The following PM20D2 variants were observed in gnomAD, a reference collection of about 807,000 sequenced individuals.
PM20D2 encodes peptidase M20 domain containing 2.
PM20D2 carries 33 observed loss-of-function variants against 42.9 expected under a neutral mutation model. The observed-to-expected ratio is 0.77, with a 90% CI of 0.58 to 1.03. The LOEUF is 1.03. PM20D2 is among the 50% of genes least tolerant of loss of function. The probability of loss-of-function intolerance (pLI) is 0.00; values close to 1 mark genes in which losing one functional copy is unlikely to be tolerated. For missense variants in PM20D2, 548 were observed against 557.0 expected, an observed-to-expected ratio of 0.98 and a Z score of 0.16; for synonymous variants, 250 against 228.2, an observed-to-expected ratio of 1.10 and a Z score of -0.86.
chr6:89,132,817 G>A, the PM20D2 span, among the ~76,000 whole-genome samples: 8 of 149,812 alleles, frequency 5.3e-5, no homozygotes, highest in Non-Finnish European at 8.9e-5. Context: ...CAGCCTGGGC[G>A]ACATGGTGAG....
chr6:89,144,748 G>T (rs916566664), upstream of PM20D2, among the ~76,000 whole-genome samples: 2 of 152,130 alleles, frequency 1.3e-5, no homozygotes, highest in African/African-American at 4.8e-5. Flanking sequence ...CCAACTAACT[G>T]AGCAGGATAA....
At chr6:89,154,997 G>T (rs1457731736) in intron 4 of PM20D2, 95 bp downstream of exon 4, 13 of 1,135,694 alleles carry the variant, frequency 1.1e-5, no homozygotes, top group Admixed American at 3.2e-5. Flanking sequence ...CTCTTATTTG[G>T]TGACATGTTG....
chr6:89,125,462 A>G, the PM20D2 span, among the ~76,000 whole-genome samples: 1 of 144,356 alleles, frequency 6.9e-6, no homozygotes, highest in African/African-American at 2.6e-5. Flanking sequence ...CCTGGGTGAC[A>G]GAGCGAGACT....
chr6:89,147,893 A>G (rs1770654444), intron 1 of PM20D2, among the ~76,000 whole-genome samples: 2 of 140,556 alleles, frequency 1.4e-5, no homozygotes, highest in African/African-American at 5.1e-5. Context: ...GCCTCCTCTT[A>G]AAAAAAAAAA....
At chr6:89,128,631 C>T in the PM20D2 span, among the ~76,000 whole-genome samples, 1 of 152,164 alleles carries the variant, frequency 6.6e-6, no homozygotes, top group Non-Finnish European at 1.5e-5. Context: ...TGTCCCTACT[C>T]TCTGTTCTTA....
At chr6:89,150,105 T>C (rs1770776979) in intron 2 of PM20D2, among the ~76,000 whole-genome samples, 1 of 152,198 alleles carries the variant, frequency 6.6e-6, no homozygotes, top group Non-Finnish European at 1.5e-5. Context: ...AACCATGTGT[T>C]TTCCTCAGAA....
chr6:89,146,152 C>T lies in PM20D2; in HGVS notation c.8C>T (p.Pro3Leu), dbSNP rs1478188493. 2 of 1,501,574 alleles carry T rather than the reference C, an allele frequency of 1.3e-6. No individual in the cohort carries two copies. The highest frequency in any genetic ancestry group is 2.9e-5 in the African/African-American group (2 of 69,430). The allele number at this position is 1,501,574 out of a possible 1,614,324, so 93.0% of individuals were successfully genotyped here. The change falls in exon 1 of 7, where the codon CCC becomes CTC. Residue 3 changes from proline to leucine, a missense_variant. Physicochemically the swap from Pro to Leu is moderately conservative, Grantham distance 98 (BLOSUM62 -3). This residue lies in a region of PM20D2 where 470 missense variants were observed against 464.4 expected (regional missense o/e 1.01). Coordinates refer to ENST00000275072, the MANE Select transcript of PM20D2 (RefSeq NM_001010853.3). ...GCAGCGGGCTTGGGCAGCATGAGGC[C>T]CGGAGGGGAGCGGCCCGTGGAAGGG... is the stretch of plus-strand genomic sequence containing the variant. MR[P>L]GGERPVEGGA...
At chr6:89,113,751 C>T in the PM20D2 span, among the ~76,000 whole-genome samples, 2 of 152,158 alleles carry the variant, frequency 1.3e-5, no homozygotes, top group African/African-American at 4.8e-5. Flanking sequence ...TCAGGCGATC[C>T]TCCCACGTCA....
At chr6:89,131,785 C>T in the PM20D2 span, among the ~76,000 whole-genome samples, 14 of 152,238 alleles carry the variant, frequency 9.2e-5, no homozygotes, top group South Asian at 2.1e-4. Context: ...GTGGAACTGT[C>T]GCTGGATGAC....
chr6:89,149,472 A>T (rs1435458389), intron 2 of PM20D2, 59 bp downstream of exon 2: 1 of 1,563,340 alleles, frequency 6.4e-7, no homozygotes, highest in Non-Finnish European at 8.7e-7. Context: ...GAATACTTTT[A>T]TGTCTAAACC....
the PM20D2 span, among the ~76,000 whole-genome samples, chr6:89,103,938 T>C: frequency 6.6e-5 from 10 of 152,014 alleles, no homozygotes; most frequent in Admixed American, 2.0e-4. Flanking sequence ...ATAAGTAAAT[T>C]GATTTACATT....
chr6:89,128,559 C>T, the PM20D2 span, among the ~76,000 whole-genome samples: 1 of 152,228 alleles, frequency 6.6e-6, no homozygotes, highest in African/African-American at 2.4e-5. Flanking sequence ...TGCCCTTTGT[C>T]CTGTTCCCTC....
At chr6:89,135,391 A>G in the PM20D2 span, among the ~76,000 whole-genome samples, 1 of 151,170 alleles carries the variant, frequency 6.6e-6, no homozygotes, top group Non-Finnish European at 1.5e-5. Flanking sequence ...TTTTAGGATT[A>G]TCGTCAAATT....
At chr6:89,113,470 C>A in the PM20D2 span, among the ~76,000 whole-genome samples, 1 of 152,084 alleles carries the variant, frequency 6.6e-6, no homozygotes, top group Admixed American at 6.6e-5. Context: ...CCGCACCCAG[C>A]CCAATTTTTT....
At chr6:89,108,613 C>G in the PM20D2 span, among the ~76,000 whole-genome samples, 1 of 152,094 alleles carries the variant, frequency 6.6e-6, no homozygotes, top group Non-Finnish European at 1.5e-5. Flanking sequence ...TAAGAAGCTT[C>G]TAGCTTGGAC....
chr6:89,103,646 G>A, the PM20D2 span, among the ~76,000 whole-genome samples: 1 of 150,146 alleles, frequency 6.7e-6, no homozygotes, highest in East Asian at 2.0e-4. Flanking sequence ...TTTTAGTAGA[G>A]ACAGGATTTC....
the PM20D2 span, among the ~76,000 whole-genome samples, chr6:89,133,274 G>T: frequency 6.6e-6 from 1 of 150,834 alleles, no homozygotes; most frequent in Non-Finnish European, 1.5e-5. Flanking sequence ...TTTAATAAAA[G>T]AACATACTTG....
At chr6:89,132,588 G>A in the PM20D2 span, among the ~76,000 whole-genome samples, 2 of 151,424 alleles carry the variant, frequency 1.3e-5, no homozygotes, top group East Asian at 3.9e-4. Flanking sequence ...GCTCACACTT[G>A]TAATCCCAAC....
chr6:89,154,620 A>G, intron 3 of PM20D2, 128 bp from the exon 4 acceptor site: 1 of 602,726 alleles, frequency 1.7e-6, no homozygotes, highest in East Asian at 3.0e-5. Context: ...TGATTGGTGT[A>G]TTGGTGGAGC....
Sources: gnomAD v4.1 joint callset for allele counts (sites outside exome capture counted in the v4.1 genomes callset) on GRCh38, gnomAD v4.1.1 for gene constraint, gnomAD v4.1.1 regional missense constraint, MANE v1.5 for transcripts, NCBI Gene and HGNC (gene_info 2026-07-23, HGNC 2026-07-21) for gene names.